The following CWF19L2 variants were observed in gnomAD, a reference collection of about 807,000 sequenced individuals.
The protein encoded by CWF19L2 is CWF19 like cell cycle control factor 2, also known as CWF19-like protein 2.
In CWF19L2, 98 loss-of-function variants were observed where a neutral mutation model predicts 111.7. That is an observed-to-expected ratio of 0.88 (90% CI 0.75 to 1.04). The LOEUF is 1.04. Among genes scored for constraint, CWF19L2 ranks in the 50% least tolerant of loss-of-function variants. The probability of loss-of-function intolerance (pLI) is 0.00; values close to 1 mark genes in which losing one functional copy is unlikely to be tolerated. For missense variants in CWF19L2, 1,101 were observed against 1,051.4 expected (o/e 1.05, Z -0.65); for synonymous variants, 351 against 342.9 (o/e 1.02, Z -0.26).
At position 107,392,850 on chromosome 11, in the gene CWF19L2, C is replaced by T. The variant is rs548427549; in HGVS notation, c.1663G>A (p.Gly555Arg). ...GGTGTGTTCACAGGCCATACTCTTC[C>T]AGACTGATCTGTTCTGACAAGGATT... is the stretch of plus-strand genomic sequence containing the variant. ...EVILVRTDQS[G>R]RVWPVNTPGK... The change falls in exon 11 of 18, where the codon GGA (glycine) becomes AGA (arginine). Residue 555 changes from glycine to arginine, a missense_variant. Physicochemically the swap from Gly to Arg is moderately radical, Grantham distance 125. Transcript: ENST00000282251. 6.9e-6 allele frequency: 11 copies of T among 1,587,924 alleles called. No homozygotes were observed. In the Admixed American group the frequency reaches 9.5e-5, roughly 14 times the overall value.
intron 8 of CWF19L2, among the ~76,000 whole-genome samples, chr11:107,421,151 C>T (rs1037429010): frequency 2.6e-5 from 4 of 151,984 alleles, no homozygotes; most frequent in African/African-American, 9.7e-5. Flanking sequence ...TCTGGAAAAT[C>T]CTCAACTATA....
intron 12 of CWF19L2, among the ~76,000 whole-genome samples, chr11:107,363,037 A>G (rs1860381020): frequency 6.6e-6 from 1 of 152,190 alleles, no homozygotes; most frequent in Non-Finnish European, 1.5e-5. Flanking sequence ...CAGAAGCCTC[A>G]GGAGCTGATG....
Position 107,429,350 on chromosome 11 carries a change from A to C in CWF19L2, c.882T>G (p.Asp294Glu), listed in dbSNP as rs1162034141. 1 of 1,603,756 alleles carries C rather than the reference A, an allele frequency of 6.2e-7. No homozygotes were observed. The highest frequency in any genetic ancestry group is 8.5e-7 in the Non-Finnish European group (1 of 1,173,870). The change falls in exon 8 of 18, where the codon GAT becomes GAG. Residue 294 changes from aspartate (D) to glutamate (E), a missense_variant. By Grantham distance (45) the Asp-to-Glu change is conservative (BLOSUM62 2). Coordinates refer to ENST00000282251, the MANE Select transcript of CWF19L2 (RefSeq NM_152434.3). ...RERWRKPTYS[D>E]KAQNCQESRE... The stretch of plus-strand genomic sequence containing the variant: ...TACTTTCTTGACAATTTTGTGCTTT[A>C]TCTGAATATGTGGGTTTCCTCCACC...
At chr11:107,424,443 A>G (rs1591196305) in intron 8 of CWF19L2, among the ~76,000 whole-genome samples, 1 of 125,336 alleles carries the variant, frequency 8.0e-6, no homozygotes, top group Non-Finnish European at 1.8e-5. Flanking sequence ...GCTTCTATAC[A>G]CCCTTTTATA....
intron 2 of CWF19L2, among the ~76,000 whole-genome samples, chr11:107,455,082 A>G (rs910136807): frequency 7.2e-5 from 11 of 152,222 alleles, no homozygotes; most frequent in South Asian, 2.1e-4. Flanking sequence ...TGACACTAGA[A>G]ATAAGTTTTA....
At chr11:107,369,428 T>A (rs1860478017) in intron 12 of CWF19L2, among the ~76,000 whole-genome samples, 1 of 137,310 alleles carries the variant, frequency 7.3e-6, no homozygotes, top group Admixed American at 7.2e-5. Flanking sequence ...TCCATAAACA[T>A]TTGACTAGTA....
At chr11:107,354,922 A>G (rs1462874036) in intron 12 of CWF19L2, among the ~76,000 whole-genome samples, 2 of 152,134 alleles carry the variant, frequency 1.3e-5, no homozygotes, top group Admixed American at 6.5e-5. Context: ...ATTTCCATCA[A>G]AGAAACTTCC....
chr11:107,353,498 A>G (rs1860187153), intron 13 of CWF19L2, 26 bp downstream of exon 13: 2 of 1,572,036 alleles, frequency 1.3e-6, no homozygotes, highest in African/African-American at 1.4e-5. Context: ...TGAGAATGTA[A>G]GCAAAGGATA....
chr11:107,439,757 G>A (rs1013335012), intron 5 of CWF19L2, among the ~76,000 whole-genome samples: 1 of 152,228 alleles, frequency 6.6e-6, no homozygotes, highest in Non-Finnish European at 1.5e-5. Flanking sequence ...AAAACTGTGA[G>A]TGACTAATGA....
chr11:107,434,191 G>A (rs951766900), intron 6 of CWF19L2, among the ~76,000 whole-genome samples: 2 of 151,128 alleles, frequency 1.3e-5, no homozygotes, highest in Non-Finnish European at 3.0e-5. Context: ...AAATAATTAA[G>A]GAATAAAAGG....
intron 16 of CWF19L2, among the ~76,000 whole-genome samples, chr11:107,331,829 A>C (rs1159552387): frequency 1.3e-5 from 2 of 152,174 alleles, no homozygotes; most frequent in Admixed American, 6.5e-5. Context: ...AAGCTTCTCT[A>C]TTCTCTCCCT....
chr11:107,344,928 T>C (rs1245921857), intron 14 of CWF19L2, among the ~76,000 whole-genome samples: 3 of 152,272 alleles, frequency 2.0e-5, no homozygotes, highest in Middle Eastern at 3.4e-3. Flanking sequence ...TCGGCCTCTG[T>C]TGACACTCAA....
intron 3 of CWF19L2, among the ~76,000 whole-genome samples, chr11:107,443,597 C>CA (rs1210716580): frequency 6.6e-6 from 1 of 151,932 alleles, no homozygotes; most frequent in Non-Finnish European, 1.5e-5. Flanking sequence ...CAAGAGAAGG[C>CA]AAAAAAACAA....
chr11:107,454,695 C>G, intron 2 of CWF19L2, 123 bp from the exon 3 acceptor site: 1 of 530,564 alleles, frequency 1.9e-6, no homozygotes, highest in Non-Finnish European at 2.9e-6. Flanking sequence ...GAAATAAGAC[C>G]AAGAATATGT....
At chr11:107,422,133 A>G (rs1285404061) in intron 8 of CWF19L2, among the ~76,000 whole-genome samples, 1 of 152,096 alleles carries the variant, frequency 6.6e-6, no homozygotes, top group African/African-American at 2.4e-5. Context: ...GTATGATCCC[A>G]TTTACATCGA....
intron 13 of CWF19L2, among the ~76,000 whole-genome samples, chr11:107,351,650 G>T (rs61285929): frequency 0.018 from 2,671 of 152,208 alleles, 60 homozygotes; most frequent in African/African-American, 0.06. Context: ...ATTGCATAAA[G>T]GCATCCAGTT....
chr11:107,343,334 G>A (rs1243241958), intron 14 of CWF19L2, among the ~76,000 whole-genome samples: 1 of 151,668 alleles, frequency 6.6e-6, no homozygotes, highest in Non-Finnish European at 1.5e-5. Flanking sequence ...ATGTCTTCTC[G>A]GTGGATTGAC....
intron 12 of CWF19L2, among the ~76,000 whole-genome samples, chr11:107,363,313 G>A (rs7117615): frequency 0.26 from 39,031 of 151,868 alleles, 5,461 homozygotes; most frequent in Non-Finnish European, 0.32. Flanking sequence ...GATTCAGGAA[G>A]TACAGAGAAT....
chr11:107,446,790 TC>T (rs66535243), intron 3 of CWF19L2, among the ~76,000 whole-genome samples: 26,198 of 152,160 alleles, frequency 0.17, 2,415 homozygotes, highest in Middle Eastern at 0.27. Context: ...CAACCTATAC[TC>T]ATTTTCACAA....
Sources: gnomAD v4.1 joint callset for allele counts (sites outside exome capture counted in the v4.1 genomes callset) on GRCh38, gnomAD v4.1.1 for gene constraint, MANE v1.5 for transcripts, NCBI Gene and HGNC (gene_info 2026-07-23, HGNC 2026-07-21) for gene names.